GCA: variants seen among roughly 807,000 people sequenced by gnomAD.
The protein encoded by GCA is grancalcin.
GCA carries 30 observed loss-of-function variants against 32.6 expected under a neutral mutation model. That is an observed-to-expected ratio of 0.92 (90% CI 0.69 to 1.25). The LOEUF is 1.25. GCA is among the 50% of genes most tolerant of loss of function. The pLI is 0.00. For synonymous variants in GCA, 102 were observed against 84.6 expected (o/e 1.21, Z -1.13); for missense variants, 291 against 266.8 (o/e 1.09, Z -0.63).
intron 5 of GCA, among the ~76,000 whole-genome samples, chr2:162,357,504 G>C (rs1685341348): frequency 6.6e-6 from 1 of 151,598 alleles, no homozygotes; most frequent in Non-Finnish European, 1.5e-5. Flanking sequence ...TTTATGAATT[G>C]TTCTTATGCT....
rs73014815 is a variant in GCA at position 162,348,633 on chromosome 2, G to T, written c.192+891G>T. 4.6e-3 allele frequency among the ~76,000 whole-genome samples: 700 copies of T among 152,224 alleles called. 4 individuals are homozygous for T. Among genetic ancestry groups the T allele is most frequent in the African/African-American group, 0.016 (652 of 41,552 alleles). On this transcript the variant is annotated intron_variant, in intron 2 of 7. Coordinates refer to ENST00000437150, the MANE Select transcript of GCA (RefSeq NM_012198.5). ...TGACTTTATTATGACCAATAGGGAC[G>T]TGTGAAACTGCCAGTTCAAGTACAT...
chr2:162,334,483 C>A (rs1684198094), intron 1 of GCA, among the ~76,000 whole-genome samples: 1 of 152,086 alleles, frequency 6.6e-6, no homozygotes, highest in East Asian at 1.9e-4. Flanking sequence ...GCTACAGAAT[C>A]AGGGAAAAGG....
chr2:162,339,210 T>G (rs1212545542), upstream of GCA, among the ~76,000 whole-genome samples: 1 of 152,182 alleles, frequency 6.6e-6, no homozygotes, highest in Non-Finnish European at 1.5e-5. Context: ...AACTTCGGGC[T>G]TAAAATAAAA....
rs1558906982 is a variant in GCA, at chr2:162,362,551, A to G, written c.*2308A>G. The G allele has an allele frequency of 1.0e-5, 10 of 956,074 alleles. No homozygotes were observed. The highest frequency in any genetic ancestry group is 1.2e-5 in the Non-Finnish European group (10 of 803,328). 59.2% of individuals were successfully genotyped at this position (956,074 alleles called of 1,614,324 possible). A position where few individuals can be genotyped will look rare whatever the true frequency, so the allele number is the denominator to read the frequency against. On this transcript the variant is annotated 3_prime_UTR_variant, in exon 8 of 8. Transcript: ENST00000437150. The stretch of plus-strand genomic sequence containing the variant: ...AATTATTGAATAATGTACACTCTTA[A>G]TGTATAAGTGCTTTTATTTATACAG...
intron 3 of GCA, among the ~76,000 whole-genome samples, chr2:162,353,932 C>T (rs192801420): frequency 6.6e-6 from 1 of 151,868 alleles, no homozygotes; most frequent in Non-Finnish European, 1.5e-5. Flanking sequence ...GAATTTTCCT[C>T]AACTTTATTT....
chr2:162,357,184 G>C (rs965670570), intron 5 of GCA, among the ~76,000 whole-genome samples: 1 of 151,786 alleles, frequency 6.6e-6, no homozygotes, highest in Non-Finnish European at 1.5e-5. Context: ...TTACCAGTTA[G>C]ATTGTATTCT....
At chr2:162,344,453 C>A (rs1031296240) in intron 1 of GCA, 178 bp downstream of exon 1, 4 of 626,408 alleles carry the variant, frequency 6.4e-6, no homozygotes, top group African/African-American at 5.5e-5. Context: ...TGATCCTGGG[C>A]TGACTTGGAG....
chr2:162,348,239 G>T (rs1684808254), intron 2 of GCA, among the ~76,000 whole-genome samples: 2 of 152,180 alleles, frequency 1.3e-5, no homozygotes, highest in South Asian at 4.1e-4. Context: ...ATGCAAAAAT[G>T]ACTATTGGAA....
At chr2:162,337,453 T>G (rs1684304536) in intron 1 of GCA, among the ~76,000 whole-genome samples, 1 of 152,230 alleles carries the variant, frequency 6.6e-6, no homozygotes, top group Non-Finnish European at 1.5e-5. Context: ...ATGTCAACAC[T>G]TTTGTAAATA....
chr2:162,366,178 T>C (rs763837970), downstream of GCA, among the ~76,000 whole-genome samples: 1 of 151,816 alleles, frequency 6.6e-6, no homozygotes, highest in Non-Finnish European at 1.5e-5. Flanking sequence ...AGGGGATTCA[T>C]CTAATTTTTG....
chr2:162,347,814 G>A, intron 2 of GCA, 72 bp downstream of exon 2: 3 of 905,034 alleles, frequency 3.3e-6, no homozygotes, highest in South Asian at 2.8e-5. Flanking sequence ...GCTATTTAGA[G>A]TATCATTTTA....
downstream of GCA, among the ~76,000 whole-genome samples, chr2:162,372,442 G>T (rs1558911954): frequency 6.6e-6 from 1 of 151,884 alleles, no homozygotes; most frequent in Non-Finnish European, 1.5e-5. Context: ...TGAATAAGAG[G>T]GTATAAGGAG....
intron 4 of GCA, among the ~76,000 whole-genome samples, chr2:162,369,529 C>T (rs965757715): frequency 1.3e-5 from 2 of 152,046 alleles, no homozygotes; most frequent in Admixed American, 6.6e-5. Flanking sequence ...TCTTCATGCT[C>T]AGGTTTCACA....
rs1401281984 is a variant in GCA, at chr2:162,347,560, C to T, written c.28-18C>T. 2.6e-6 allele frequency: 4 copies of T among 1,523,558 alleles called. No individual in the cohort carries two copies. The highest frequency in any genetic ancestry group is 1.2e-5 in the South Asian group (1 of 81,466). The allele number at this position is 1,523,558 out of a possible 1,614,324, so 94.4% of individuals were successfully genotyped here. A position where few individuals can be genotyped will look rare whatever the true frequency, so the allele number is the denominator to read the frequency against. The stretch of plus-strand genomic sequence containing the variant: ...GTAGTATTTATATTACTAACCTTCT[C>T]CCCTTTCACTATTATAGTTTGGAAA... On this transcript the variant is annotated intron_variant, in intron 1 of 7. Coordinates refer to ENST00000437150, the MANE Select transcript of GCA (RefSeq NM_012198.5).
rs193099415 is a variant in GCA at position 162,347,574 on chromosome 2, A to G, written c.28-4A>G. The G allele has an allele frequency of 7.7e-5, 122 of 1,592,990 alleles. 1 individual carries two copies. The African/African-American group carries it at 1.4e-3, about 18-fold the overall frequency. ...ACTAACCTTCTCCCCTTTCACTATT[A>G]TAGTTTGGAAATTTTAGCATTCAGG... On this transcript the variant is annotated splice_region_variant and splice_polypyrimidine_tract_variant and intron_variant, in intron 1 of 7. Coordinates refer to ENST00000437150, the MANE Select transcript of GCA (RefSeq NM_012198.5).
chr2:162,363,873 T>G (rs558111974), downstream of GCA, among the ~76,000 whole-genome samples: 1 of 151,686 alleles, frequency 6.6e-6, no homozygotes, highest in South Asian at 2.1e-4. Flanking sequence ...CAGGTGTGCT[T>G]CTGTGTATCT....
At chr2:162,325,976 G>A (rs942507218) in intron 1 of GCA, among the ~76,000 whole-genome samples, 2 of 152,132 alleles carry the variant, frequency 1.3e-5, no homozygotes, top group South Asian at 4.1e-4. Flanking sequence ...GGTTTGTTTA[G>A]GGTGAGGATT....
chr2:162,328,432 G>C (rs1683965066), intron 1 of GCA, among the ~76,000 whole-genome samples: 1 of 152,084 alleles, frequency 6.6e-6, no homozygotes, highest in Non-Finnish European at 1.5e-5. Flanking sequence ...ATAGGAAAGA[G>C]AGAGAGATGG....
intron 2 of GCA, among the ~76,000 whole-genome samples, chr2:162,351,691 G>T (rs1229488708): frequency 3.3e-5 from 5 of 152,142 alleles, no homozygotes; most frequent in Admixed American, 1.3e-4. Context: ...GCCAATGTTT[G>T]TGATGGTTCC....
Sources: gnomAD v4.1 joint callset for allele counts (sites outside exome capture counted in the v4.1 genomes callset) on GRCh38, gnomAD v4.1.1 for gene constraint, MANE v1.5 for transcripts, NCBI Gene and HGNC (gene_info 2026-07-23, HGNC 2026-07-21) for gene names.